The following LOC128462377 variants were observed in gnomAD, a reference collection of about 807,000 sequenced individuals.
chr16:89,319,815 A>G, the LOC128462377 span, among the ~76,000 whole-genome samples: 4 of 152,206 alleles, frequency 2.6e-5, no homozygotes, highest in African/African-American at 9.6e-5. Context: ...GTCTTTTTCA[A>G]TGAGAGACCA....
chr16:89,398,954 C>G, the LOC128462377 span, among the ~76,000 whole-genome samples: 1 of 152,186 alleles, frequency 6.6e-6, no homozygotes, highest in Admixed American at 6.5e-5. Context: ...AGACCCCAGA[C>G]AGACTCCCAT....
At chr16:89,341,610 A>T in the LOC128462377 span, among the ~76,000 whole-genome samples, 1 of 152,068 alleles carries the variant, frequency 6.6e-6, no homozygotes, top group African/African-American at 2.4e-5. Flanking sequence ...CTCCTCTCCC[A>T]CCCCATCCAG....
At chr16:89,351,708 A>G in the LOC128462377 span, among the ~76,000 whole-genome samples, 1 of 152,230 alleles carries the variant, frequency 6.6e-6, no homozygotes, top group East Asian at 1.9e-4. Context: ...CAAAATGACC[A>G]GAACAGCAGA....
At chr16:89,413,157 G>A in the LOC128462377 span, among the ~76,000 whole-genome samples, 1 of 152,252 alleles carries the variant, frequency 6.6e-6, no homozygotes, top group Non-Finnish European at 1.5e-5. Context: ...TCTTCTATAA[G>A]TTACTGCAGT....
At chr16:89,326,670 A>T in the LOC128462377 span, among the ~76,000 whole-genome samples, 1 of 152,182 alleles carries the variant, frequency 6.6e-6, no homozygotes, top group African/African-American at 2.4e-5. Flanking sequence ...TGGGCCCAGG[A>T]GGTCGAGGCT....
chr16:89,403,206 C>T, the LOC128462377 span, among the ~76,000 whole-genome samples: 6 of 152,180 alleles, frequency 3.9e-5, no homozygotes, highest in East Asian at 1.9e-4. Flanking sequence ...GGGCCTGATC[C>T]GCTCCCTCTC....
At chr16:89,376,178 A>C in the LOC128462377 span, among the ~76,000 whole-genome samples, 1 of 152,256 alleles carries the variant, frequency 6.6e-6, no homozygotes, top group East Asian at 1.9e-4. Context: ...CAGGATTGCT[A>C]TAAGAAAGGC....
chr16:89,384,899 T>G, the LOC128462377 span, among the ~76,000 whole-genome samples: 8 of 131,940 alleles, frequency 6.1e-5, no homozygotes, highest in African/African-American at 2.3e-4. Context: ...TTTTTTTTTT[T>G]TTTTTTTTGA....
At chr16:89,339,094 G>T in the LOC128462377 span, among the ~76,000 whole-genome samples, 1 of 152,136 alleles carries the variant, frequency 6.6e-6, no homozygotes, top group African/African-American at 2.4e-5. Context: ...GCTGATGGGT[G>T]AGCGTTGCAC....
chr16:89,398,717 C>G, the LOC128462377 span, among the ~76,000 whole-genome samples: 1 of 152,058 alleles, frequency 6.6e-6, no homozygotes, highest in Non-Finnish European at 1.5e-5. Flanking sequence ...GCACTCCAGC[C>G]TCAGTGACAG....
chr16:89,369,015 G>A, the LOC128462377 span, among the ~76,000 whole-genome samples: 1 of 152,170 alleles, frequency 6.6e-6, no homozygotes, highest in Non-Finnish European at 1.5e-5. Flanking sequence ...CAACCAAGAT[G>A]TAAGCAGCAG....
the LOC128462377 span, among the ~76,000 whole-genome samples, chr16:89,357,800 G>A: frequency 3.3e-5 from 5 of 152,200 alleles, no homozygotes; most frequent in Non-Finnish European, 7.3e-5. Flanking sequence ...ACTGCTCATC[G>A]GCAAGCCAAT....
At chr16:89,379,088 G>A in the LOC128462377 span, among the ~76,000 whole-genome samples, 2 of 152,318 alleles carry the variant, frequency 1.3e-5, no homozygotes, top group African/African-American at 2.4e-5. Flanking sequence ...CCAGAACGTC[G>A]GCAGTGCGGA....
the LOC128462377 span, among the ~76,000 whole-genome samples, chr16:89,377,237 AC>A: frequency 2.0e-5 from 3 of 152,136 alleles, no homozygotes; most frequent in Non-Finnish European, 4.4e-5. Flanking sequence ...CTCATTACAC[AC>A]AGCATGCTAT....
chr16:89,348,054 C>T, the LOC128462377 span, among the ~76,000 whole-genome samples: 8 of 152,092 alleles, frequency 5.3e-5, no homozygotes, highest in Non-Finnish European at 1.2e-4. Flanking sequence ...CCACCTCAGC[C>T]TCCAGGGTAA....
the LOC128462377 span, among the ~76,000 whole-genome samples, chr16:89,385,675 G>T: frequency 2.0e-5 from 3 of 152,210 alleles, no homozygotes; most frequent in African/African-American, 7.2e-5. Flanking sequence ...TCAAAACTAC[G>T]AATTCACTTT....
the LOC128462377 span, among the ~76,000 whole-genome samples, chr16:89,326,815 A>C: frequency 6.6e-6 from 1 of 152,224 alleles, no homozygotes; most frequent in Non-Finnish European, 1.5e-5. Flanking sequence ...GCAGTGCCCC[A>C]AAGCATCTCC....
chr16:89,371,571 G>A, the LOC128462377 span, among the ~76,000 whole-genome samples: 2 of 152,176 alleles, frequency 1.3e-5, no homozygotes, highest in African/African-American at 4.8e-5. Context: ...GCTGCAGGAA[G>A]GTCCAGGCAG....
chr16:89,390,094 G>A, the LOC128462377 span, among the ~76,000 whole-genome samples: 1 of 60,144 alleles, frequency 1.7e-5, no homozygotes. Context: ...AGCACAGACA[G>A]AGAAGATCAC....
Sources: gnomAD v4.1 joint callset for allele counts (sites outside exome capture counted in the v4.1 genomes callset) on GRCh38, gnomAD v4.1.1 for gene constraint, MANE v1.5 for transcripts.